The following NLGN1 variants were observed in gnomAD, a reference collection of about 807,000 sequenced individuals.
NLGN1 encodes the protein neuroligin 1, also known as neuroligin-1.
Under a neutral mutation model 65.5 loss-of-function variants are expected in NLGN1, and 12 were observed. That is an observed-to-expected ratio of 0.18 (90% confidence interval 0.12 to 0.30). The LOEUF is 0.30. Among genes scored for constraint, NLGN1 ranks in the 10% least tolerant of loss-of-function variants. The pLI, the probability that NLGN1 is intolerant of heterozygous loss-of-function variation, is 1.00. For synonymous variants in NLGN1, 350 were observed against 359.5 expected, an observed-to-expected ratio of 0.97 and a Z score of 0.30; for missense variants, 750 against 1,007.1, an observed-to-expected ratio of 0.74 and a Z score of 3.46.
chr3:174,111,739 T>C (rs1715266721), intron 4 of NLGN1, among the ~76,000 whole-genome samples: 1 of 151,914 alleles, frequency 6.6e-6, no homozygotes, highest in Admixed American at 6.6e-5. Context: ...GTTATTAGTA[T>C]GGTTTTGCCT....
In NLGN1 at chr3:174,138,560, A is replaced by G. The variant is rs547295632; in HGVS notation, c.647-136755A>G. 5.1e-3 allele frequency among the ~76,000 whole-genome samples: 775 copies of G among 150,766 alleles called. 19 individuals are homozygous for G. Among genetic ancestry groups the G allele is most frequent in the East Asian group, 0.015 (77 of 5,072 alleles). On this transcript the variant is annotated intron_variant, in intron 4 of 6. Transcript: ENST00000457714. The stretch of plus-strand genomic sequence containing the variant: ...CGCCATTCTCCTGCCTCAGCCTCCC[A>G]AATAGCTGGGACGACAGGCCCCCGC...
intron 3 of NLGN1, among the ~76,000 whole-genome samples, chr3:173,715,408 C>G (rs1421982911): frequency 1.3e-5 from 2 of 152,052 alleles, no homozygotes; most frequent in Non-Finnish European, 2.9e-5. Context: ...CATAAATATG[C>G]CACTTCTTTT....
intron 3 of NLGN1, among the ~76,000 whole-genome samples, chr3:173,639,581 A>G (rs766567469): frequency 5.9e-5 from 9 of 152,220 alleles, no homozygotes; most frequent in Non-Finnish European, 1.3e-4. Context: ...AAGTGCAGAA[A>G]TATAATTATT....
chr3:174,275,957 A>G (rs1750477517), intron 5 of NLGN1, among the ~76,000 whole-genome samples: 2 of 151,892 alleles, frequency 1.3e-5, no homozygotes, highest in African/African-American at 2.4e-5. Context: ...AAGCTAACGA[A>G]GCGGTCATAA....
intron 2 of NLGN1, among the ~76,000 whole-genome samples, chr3:173,481,579 G>A (rs1345097391): frequency 1.3e-5 from 2 of 151,690 alleles, no homozygotes; most frequent in African/African-American, 4.8e-5. Context: ...ATTTTCATAT[G>A]AATGTATCAT....
chr3:173,464,606 TGTATTTTTA>T (rs1362475121), intron 2 of NLGN1, among the ~76,000 whole-genome samples: 1 of 151,934 alleles, frequency 6.6e-6, no homozygotes, highest in Non-Finnish European at 1.5e-5. Flanking sequence ...TGGCTAATTT[TGTATTTTTA>T]GTAGACACGG....
At position 173,581,156 on chromosome 3, in the gene NLGN1, TAACTC is replaced by T. The variant is rs761430066; in HGVS notation, c.-320-23120_-320-23116del. The stretch of plus-strand genomic sequence containing the variant: ...AGTTGAAAATTGATTGTTTGACAAT[TAACTC>T]AAGCATTTTTCCTGAGTCCAGGGTG... On this transcript the variant is annotated intron_variant, in intron 2 of 6. Transcript: ENST00000457714. 1.1e-4 allele frequency among the ~76,000 whole-genome samples: 17 copies of T among 152,158 alleles called. 1 individual carries two copies. Among genetic ancestry groups the T allele is most frequent in the Admixed American group, 2.0e-4 (3 of 15,276 alleles).
At chr3:173,730,228 G>A (rs139027967) in intron 3 of NLGN1, among the ~76,000 whole-genome samples, 2,488 of 150,206 alleles carry the variant, frequency 0.017, 55 homozygotes, top group African/African-American at 0.056. Context: ...AAACAAAATT[G>A]TAGTAGGAAA....
intron 3 of NLGN1, among the ~76,000 whole-genome samples, chr3:173,681,794 T>A (rs1014394232): frequency 3.9e-5 from 6 of 152,200 alleles, no homozygotes; most frequent in Non-Finnish European, 8.8e-5. Flanking sequence ...TATTATCAAA[T>A]TGAATGTGTA....
chr3:174,072,074 A>C (rs1183793099), intron 4 of NLGN1, among the ~76,000 whole-genome samples: 1 of 152,330 alleles, frequency 6.6e-6, no homozygotes, highest in African/African-American at 2.4e-5. Flanking sequence ...GAGAAGTAAA[A>C]GTAATTATGT....
At chr3:174,278,510 G>A (rs1751004290) in intron 5 of NLGN1, among the ~76,000 whole-genome samples, 1 of 151,910 alleles carries the variant, frequency 6.6e-6, no homozygotes, top group African/African-American at 2.4e-5. Context: ...GAGAAGATTG[G>A]CCCCATCTGG....
intron 4 of NLGN1, among the ~76,000 whole-genome samples, chr3:173,895,452 A>G (rs2152143804): frequency 6.6e-6 from 1 of 152,188 alleles, no homozygotes; most frequent in Non-Finnish European, 1.5e-5. Context: ...AAAATATGGT[A>G]AAGATTTTTA....
chr3:173,753,988 C>T (rs1288636884), intron 3 of NLGN1, among the ~76,000 whole-genome samples: 2 of 100,356 alleles, frequency 2.0e-5, no homozygotes, highest in Non-Finnish European at 3.9e-5. Context: ...TACTCAGTTT[C>T]TTCAAGTACT....
chr3:174,214,769 G>A (rs1014764397), intron 4 of NLGN1, among the ~76,000 whole-genome samples: 1 of 152,162 alleles, frequency 6.6e-6, no homozygotes, highest in Non-Finnish European at 1.5e-5. Flanking sequence ...TCAGTAGGGT[G>A]ATTGGTGGTC....
chr3:174,050,267 T>C (rs890524908), intron 4 of NLGN1, among the ~76,000 whole-genome samples: 13 of 152,112 alleles, frequency 8.5e-5, no homozygotes, highest in Non-Finnish European at 1.8e-4. Flanking sequence ...TAGGCTACTA[T>C]GGCATTGACA....
At chr3:173,469,251 G>A (rs1724913461) in intron 2 of NLGN1, among the ~76,000 whole-genome samples, 1 of 151,856 alleles carries the variant, frequency 6.6e-6, no homozygotes. Flanking sequence ...AAAAGATAAT[G>A]TACCTTTAAA....
chr3:174,049,396 T>A (rs1192353820), intron 4 of NLGN1, among the ~76,000 whole-genome samples: 1 of 151,946 alleles, frequency 6.6e-6, no homozygotes, highest in African/African-American at 2.4e-5. Context: ...CAGTTATAGA[T>A]AGGACAAAGG....
upstream of NLGN1, among the ~76,000 whole-genome samples, chr3:173,397,086 A>G (rs1716745659): frequency 6.6e-6 from 1 of 152,112 alleles, no homozygotes; most frequent in African/African-American, 2.4e-5. Flanking sequence ...ATGAACTTTA[A>G]TAAACTGGGT....
At chr3:173,913,618 C>G (rs1740105925) in intron 4 of NLGN1, among the ~76,000 whole-genome samples, 2 of 152,136 alleles carry the variant, frequency 1.3e-5, no homozygotes, top group South Asian at 2.1e-4. Flanking sequence ...CCCAGCTAAA[C>G]TGGCTAGTGT....
Sources: gnomAD v4.1 joint callset for allele counts (sites outside exome capture counted in the v4.1 genomes callset) on GRCh38, gnomAD v4.1.1 for gene constraint, MANE v1.5 for transcripts, NCBI Gene and HGNC (gene_info 2026-07-23, HGNC 2026-07-21) for gene names.